NIN: variants seen among roughly 807,000 people sequenced by gnomAD.
NIN encodes ninein.
Under a neutral mutation model 257.6 loss-of-function variants are expected in NIN, and 137 were observed. The ratio of observed to expected loss-of-function variants is 0.53; its 90% CI spans 0.46 to 0.61. NIN has a LOEUF of 0.61. Among genes scored for constraint, NIN ranks in the 20% least tolerant of loss-of-function variants. NIN has a pLI of 0.00. For missense variants in NIN, 2,439 were observed against 2,501.2 expected, an observed-to-expected ratio of 0.98 and a Z score of 0.53; for synonymous variants, 918 against 919.8, an observed-to-expected ratio of 1.00 and a Z score of 0.04.
chr14:50,814,034 ATAAAG>A (rs1439465261), intron 3 of NIN, among the ~76,000 whole-genome samples: 2 of 152,202 alleles, frequency 1.3e-5, no homozygotes, highest in African/African-American at 2.4e-5. Flanking sequence ...TTTATTTTAA[ATAAAG>A]TATTCAGGTC....
chr14:50,798,591 C>G (rs903760821), intron 4 of NIN, among the ~76,000 whole-genome samples: 1 of 152,198 alleles, frequency 6.6e-6, no homozygotes, highest in Admixed American at 6.5e-5. Context: ...ACCAGCAGAT[C>G]TCTGTTAGGA....
chr14:50,808,176 T>C (rs2142221288), intron 3 of NIN, among the ~76,000 whole-genome samples: 1 of 152,158 alleles, frequency 6.6e-6, no homozygotes. Flanking sequence ...GCACAATCTT[T>C]GAAAGGGTAA....
rs369382014 is a variant in NIN at position 50,757,944 on chromosome 14, AGAG to A, written c.3083_3085del (p.Pro1028del). 1.4e-4 allele frequency: 218 copies of A among 1,614,144 alleles called. 1 individual carries two copies. The African/African-American group carries it at 2.6e-3, about 19-fold the overall frequency. On this transcript the variant is annotated inframe_deletion, in exon 18 of 31. Coordinates refer to ENST00000530997, the MANE Select transcript of NIN (RefSeq NM_020921.4). ...CTGGCAACCACTCTGAAGCATTGAG[AGAG>A]GAGATGTTGCCTGCTGCATTTCCTT... is the stretch of plus-strand genomic sequence containing the variant.
intron 12 of NIN, among the ~76,000 whole-genome samples, chr14:50,768,697 C>T (rs2042605658): frequency 6.6e-6 from 1 of 152,168 alleles, no homozygotes; most frequent in Non-Finnish European, 1.5e-5. Flanking sequence ...AGAGCCTTGA[C>T]TGCTAACACA....
At chr14:50,798,839 C>T (rs2043957020) in intron 4 of NIN, among the ~76,000 whole-genome samples, 1 of 152,200 alleles carries the variant, frequency 6.6e-6, no homozygotes. Context: ...AGTGCAGTGG[C>T]ACAATCTCAG....
At position 50,733,962 on chromosome 14, in the gene NIN, C is replaced by T. The variant is rs533196267; in HGVS notation, c.5877+1554G>A. On this transcript the variant is annotated intron_variant, in intron 28 of 30. Coordinates refer to ENST00000530997, the MANE Select transcript of NIN (RefSeq NM_020921.4). ...CTGGTGATTTAATGTTAGTGCTATA[C>T]GTTTGCCCATATTTCACATTAAAAA... Among the ~76,000 whole-genome samples the T allele has an allele frequency of 5.3e-5, 8 of 152,268 alleles. No homozygotes were observed. In the South Asian group the frequency reaches 8.3e-4, roughly 16 times the overall value.
chr14:50,764,664 A>G (rs1419606409), intron 14 of NIN, among the ~76,000 whole-genome samples: 1 of 152,184 alleles, frequency 6.6e-6, no homozygotes, highest in Non-Finnish European at 1.5e-5. Flanking sequence ...TACACGCTAC[A>G]ACATGGATGA....
intron 3 of NIN, among the ~76,000 whole-genome samples, chr14:50,807,679 T>C (rs930532039): frequency 6.6e-6 from 1 of 152,232 alleles, no homozygotes; most frequent in Non-Finnish European, 1.5e-5. Context: ...TGGATGTCAT[T>C]ACAAAACACT....
At chr14:50,761,640 T>A in intron 16 of NIN, 150 bp downstream of exon 16, 1 of 733,502 alleles carries the variant, frequency 1.4e-6, no homozygotes. Context: ...AAAGGGGCCT[T>A]GCTGTCAGCC....
rs760213381 is a variant in NIN, at chr14:50,757,300, C to G, written c.3730G>C (p.Ala1244Pro). ...TACAACAGCTTATATTTGGGAGAAG[C>G]CTCAGGGATTCTCTCAAGCATCTTC... is the stretch of plus-strand genomic sequence containing the variant. ...KLKMLERIPEASPKYKLLYED... is the reference protein window; with the variant it reads ...KLKMLERIPEPSPKYKLLYED... The change falls in exon 18 of 31, where the codon GCT becomes CCT. Residue 1244 changes from alanine (A) to proline (P), a missense_variant. Coordinates refer to ENST00000530997, the MANE Select transcript of NIN (RefSeq NM_020921.4). The G allele has an allele frequency of 5.0e-6, 8 of 1,614,084 alleles. No homozygotes were observed. Among genetic ancestry groups the G allele is most frequent in the Middle Eastern group, 1.7e-4 (1 of 6,060 alleles).
chr14:50,753,085 C>T (rs772087546), intron 20 of NIN, among the ~76,000 whole-genome samples: 1 of 152,110 alleles, frequency 6.6e-6, no homozygotes, highest in Non-Finnish European at 1.5e-5. Flanking sequence ...GGACAGCTTG[C>T]TTTTTCTACT....
chr14:50,754,964 GC>G, intron 18 of NIN, 97 bp from the exon 19 acceptor site: 1 of 771,042 alleles, frequency 1.3e-6, no homozygotes, highest in Non-Finnish European at 2.1e-6. Flanking sequence ...AGTATTCAAT[GC>G]CAGTTAAAAA....
chr14:50,766,167 A>AT (rs1432578454), intron 14 of NIN, 140 bp downstream of exon 14: 2 of 661,708 alleles, frequency 3.0e-6, no homozygotes, highest in Non-Finnish European at 5.2e-6. Context: ...GGGTACTTTT[A>AT]TTTTTACCAT....
chr14:50,761,361 A>G (rs183720450), intron 16 of NIN, among the ~76,000 whole-genome samples: 1 of 152,328 alleles, frequency 6.6e-6, no homozygotes, highest in African/African-American at 2.4e-5. Context: ...GAACTACCCA[A>G]TTTAGCTGGA....
At chr14:50,792,686 A>G in intron 5 of NIN, 26 bp downstream of exon 5, 1 of 1,613,734 alleles carries the variant, frequency 6.2e-7, no homozygotes, top group Non-Finnish European at 8.5e-7. Context: ...CATGATCCAG[A>G]TGAACGTGCA....
Position 50,721,436 on chromosome 14 carries a change from A to G in NIN, c.*2027T>C, listed in dbSNP as rs143827249. 3.7e-3 allele frequency: 797 copies of G among 216,968 alleles called. 2 individuals are homozygous for G. Among genetic ancestry groups the G allele is most frequent in the African/African-American group, 0.017 (762 of 44,578 alleles). 13.4% of individuals were successfully genotyped at this position (216,968 alleles called of 1,614,324 possible). A position where few individuals can be genotyped will look rare whatever the true frequency, so the allele number is the denominator to read the frequency against. On this transcript the variant is annotated 3_prime_UTR_variant, in exon 31 of 31. Transcript: ENST00000530997. ...CACATGCTAAGGCCAGCTATCTGGGAAATATTATTGTTCAGTTCCAACAGC... is the reference window on the plus strand; with the variant it reads ...CACATGCTAAGGCCAGCTATCTGGGGAATATTATTGTTCAGTTCCAACAGC...
intron 4 of NIN, among the ~76,000 whole-genome samples, chr14:50,793,591 G>A (rs2043697857): frequency 6.6e-6 from 1 of 152,102 alleles, no homozygotes; most frequent in Non-Finnish European, 1.5e-5. Flanking sequence ...AAAATAAAAA[G>A]GAATGTGCAT....
intron 2 of NIN, among the ~76,000 whole-genome samples, chr14:50,824,450 C>A (rs1400474879): frequency 6.6e-6 from 1 of 152,198 alleles, no homozygotes; most frequent in Non-Finnish European, 1.5e-5. Flanking sequence ...CCCTGTGGAA[C>A]AAATGCTCAC....
intron 2 of NIN, among the ~76,000 whole-genome samples, chr14:50,828,932 G>A (rs555038299): frequency 2.4e-4 from 37 of 152,172 alleles, no homozygotes; most frequent in Non-Finnish European, 4.9e-4. Context: ...CTGAGCAAGT[G>A]CCTATTAAAA....
Sources: gnomAD v4.1 joint callset for allele counts (sites outside exome capture counted in the v4.1 genomes callset) on GRCh38, gnomAD v4.1.1 for gene constraint, MANE v1.5 for transcripts, NCBI Gene and HGNC (gene_info 2026-07-23, HGNC 2026-07-21) for gene names.